HLA-DPB1: variants seen among roughly 807,000 people sequenced by gnomAD.
HLA-DPB1 encodes the protein HLA class II histocompatibility antigen, DP beta 1 chain.
Under a neutral mutation model 29.4 loss-of-function variants are expected in HLA-DPB1, and 30 were observed. The observed-to-expected ratio is 1.02, with a 90% CI of 0.76 to 1.38. The LOEUF (loss-of-function observed/expected upper bound fraction) is 1.38, where lower values mean the gene tolerates loss of function less well. Among genes scored for constraint, HLA-DPB1 ranks in the 40% most tolerant of loss-of-function variants. The pLI is 0.00. For missense variants in HLA-DPB1, 261 were observed against 327.5 expected, an observed-to-expected ratio of 0.80 and a Z score of 1.57; for synonymous variants, 114 against 134.0, an observed-to-expected ratio of 0.85 and a Z score of 1.03.
rs1183464371 is a variant in HLA-DPB1 at position 33,079,030 on chromosome 6, T to C, written c.101-1642T>C. On this transcript the variant is annotated intron_variant, in intron 1 of 5. Transcript: ENST00000418931. The stretch of plus-strand genomic sequence containing the variant: ...AGGATATCTGAGTCAAGACCTGGGA[T>C]CTTGCCTTAGCAATGACACTGGAGA... 2.0e-5 allele frequency among the ~76,000 whole-genome samples: 3 copies of C among 152,208 alleles called. 1 individual carries two copies. Among genetic ancestry groups the C allele is most frequent in the Non-Finnish European group, 4.4e-5 (3 of 68,042 alleles).
chr6:33,080,861 A>C lies in HLA-DPB1; in HGVS notation c.290A>C (p.Glu97Ala), dbSNP rs201237929. 1 of 1,612,938 alleles carries C rather than the reference A, an allele frequency of 6.2e-7. No individual in the cohort carries two copies. Among genetic ancestry groups the C allele is most frequent in the Non-Finnish European group, 8.5e-7 (1 of 1,179,522 alleles). ...YWNSQKDILE[E>A]KRAVPDRMCR... ...AACAGCCAGAAGGACATCCTGGAGG[A>C]GAAGCGGGCAGTGCCGGACAGGATG... The change falls in exon 2 of 6, where the codon GAG becomes GCG. Residue 97 changes from glutamate to alanine, a missense_variant. Glu to Ala is a moderately radical substitution (Grantham distance 107, BLOSUM62 -1). Transcript: ENST00000418931. The surrounding 1 kb of genome is among the most constrained non-coding windows in gnomAD (Gnocchi z 4.3).
Position 33,080,792 on chromosome 6 carries a change from T to C in HLA-DPB1, c.221T>C (p.Phe74Ser). The C allele has an allele frequency of 6.2e-7, 1 of 1,602,126 alleles. No homozygotes were observed. Among genetic ancestry groups the C allele is most frequent in the Non-Finnish European group, 8.5e-7 (1 of 1,172,508 alleles). ...CGCTTCGACAGCGACGTGGGGGAGTTCCGGGCGGTGACGGAGCTGGGGCGG... is the reference window on the plus strand; with the variant it reads ...CGCTTCGACAGCGACGTGGGGGAGTCCCGGGCGGTGACGGAGCTGGGGCGG... ...FARFDSDVGE[F>S]RAVTELGRPA... Residue 74 changes from phenylalanine to serine, a missense_variant, in exon 2 of 6, where the codon TTC (phenylalanine) becomes TCC (serine). Phe to Ser is a radical substitution (Grantham distance 155). Coordinates refer to ENST00000418931, the MANE Select transcript of HLA-DPB1 (RefSeq NM_002121.6). This position sits in a 1 kb window ranked among gnomAD's most constrained non-coding sequence, Gnocchi z 4.3.
rs894270562 is a variant in HLA-DPB1, at chr6:33,085,128, C to T, written c.543C>T (p.Thr181=). ...STNLIRNGDW[T]FQILVMLEMT... is the part of the protein sequence containing the mutation. ...ACCTGATCCGTAATGGAGACTGGAC[C>T]TTCCAGATCCTGGTGATGCTGGAAA... is the stretch of plus-strand genomic sequence containing the variant. The change falls in exon 3 of 6, where the codon ACC becomes ACT. Residue 181 remains threonine, a synonymous_variant. Coordinates refer to ENST00000418931, the MANE Select transcript of HLA-DPB1 (RefSeq NM_002121.6). 1.2e-6 allele frequency: 2 copies of T among 1,613,782 alleles called. No individual in the cohort carries two copies. The highest frequency in any genetic ancestry group is 1.7e-5 in the Admixed American group (1 of 60,012).
intron 2 of HLA-DPB1, among the ~76,000 whole-genome samples, 165 bp from the exon 3 acceptor site, chr6:33,084,785 T>C (rs9277447): frequency 0.042 from 2,625 of 62,908 alleles, 715 homozygotes; most frequent in East Asian, 0.28. Context: ...GGCAACAGAG[T>C]GACACTCCAT....
chr6:33,084,725 G>T (rs3128962), intron 2 of HLA-DPB1, among the ~76,000 whole-genome samples: 57,206 of 151,092 alleles, frequency 0.38, 12,257 homozygotes, highest in East Asian at 0.64. Flanking sequence ...GTTGAAGCCC[G>T]GAGGTGGAGG....
At chr6:33,081,875 A>T (rs927256862) in intron 2 of HLA-DPB1, 1 of 152,438 alleles carries the variant, frequency 6.6e-6, no homozygotes. Flanking sequence ...TTTCTCAAGG[A>T]TGGGACAGGA....
chr6:33,080,733 G>A lies in HLA-DPB1; in HGVS notation c.162G>A (p.Leu54=), dbSNP rs746588116. 1 of 1,613,594 alleles carries A rather than the reference G, an allele frequency of 6.2e-7. No individual in the cohort carries two copies. Among genetic ancestry groups the A allele is most frequent in the Admixed American group, 1.7e-5 (1 of 59,994 alleles). ...CYAFNGTQRF[L]ERYIYNREEF... ...CGTTTAATGGGACACAGCGCTTCCT[G>A]GAGAGATACATCTACAACCGGGAGG... The change falls in exon 2 of 6, where the codon CTG becomes CTA. Residue 54 remains leucine, a synonymous_variant. Transcript: ENST00000418931. The surrounding 1 kb of genome is among the most constrained non-coding windows in gnomAD (Gnocchi z 4.3).
chr6:33,080,655 C>A lies in HLA-DPB1; in HGVS notation c.101-17C>A. The A allele has an allele frequency of 6.2e-7, 1 of 1,612,178 alleles. No individual in the cohort carries two copies. The highest frequency in any genetic ancestry group is 8.5e-7 in the Non-Finnish European group (1 of 1,179,226). On this transcript the variant is annotated splice_polypyrimidine_tract_variant and intron_variant, in intron 1 of 5. Coordinates refer to ENST00000418931, the MANE Select transcript of HLA-DPB1 (RefSeq NM_002121.6). This position sits in a 1 kb window ranked among gnomAD's most constrained non-coding sequence, Gnocchi z 4.3. ...ATGAGAGTGGCGCCTCCGCTCATGT[C>A]CGCCCCCTCCCCGCAGAGAATTACC...
chr6:33,078,272 A>T (rs1026786172), intron 1 of HLA-DPB1, among the ~76,000 whole-genome samples: 4 of 152,074 alleles, frequency 2.6e-5, no homozygotes, highest in Admixed American at 6.5e-5. Context: ...AGATTACTGG[A>T]GCTCCCTGCG....
intron 2 of HLA-DPB1, 129 bp downstream of exon 2, chr6:33,081,064 A>AT (rs200415650): frequency 0.011 from 11,577 of 1,100,196 alleles, 190 homozygotes; most frequent in African/African-American, 0.064. Flanking sequence ...TTGGGGATTC[A>AT]TGGGGGGAGC....
chr6:33,082,737 C>T (rs1459199946), intron 2 of HLA-DPB1, among the ~76,000 whole-genome samples: 1 of 152,126 alleles, frequency 6.6e-6, no homozygotes, highest in Non-Finnish European at 1.5e-5. Context: ...GTGACAATTC[C>T]AGGGTGGATG....
At position 33,089,667 on chromosome 6, in the gene HLA-DPB1, A is replaced by G. The variant is rs1763265814; in HGVS notation, c.*3133A>G. 6.6e-6 allele frequency among the ~76,000 whole-genome samples: 1 copy of G among 152,238 alleles called. No individual in the cohort carries two copies. The highest frequency in any genetic ancestry group is 1.5e-5 in the Non-Finnish European group (1 of 68,038). On this transcript the variant is annotated 3_prime_UTR_variant, in exon 6 of 6. Coordinates refer to ENST00000418931, the MANE Select transcript of HLA-DPB1 (RefSeq NM_002121.6). ...GGAAAACATTTAAGAAGTACACACT[A>G]AATAAATAATAAAATACTTCTACAA...
chr6:33,078,497 G>T (rs183007250), intron 1 of HLA-DPB1, among the ~76,000 whole-genome samples: 27 of 152,264 alleles, frequency 1.8e-4, no homozygotes, highest in African/African-American at 4.8e-4. Context: ...CAACCCATAG[G>T]GAGCTAGAGG....
Position 33,087,008 on chromosome 6 carries a change from T to C in HLA-DPB1, c.*474T>C, listed in dbSNP as rs1763140996. ...TGCCCCCAAATCAAGTTTAGTGCCC[T>C]CATCCATTTATGTCTCAGACCACTA... On this transcript the variant is annotated 3_prime_UTR_variant, in exon 6 of 6. Coordinates refer to ENST00000418931, the MANE Select transcript of HLA-DPB1 (RefSeq NM_002121.6). 4.9e-6 allele frequency: 1 copy of C among 205,788 alleles called. No homozygotes were observed. The highest frequency in any genetic ancestry group is 8.4e-5 in the South Asian group (1 of 11,872). 12.7% of individuals were successfully genotyped at this position (205,788 alleles called of 1,614,324 possible).
In HLA-DPB1 at chr6:33,087,329, A is replaced by G. The variant is rs979173499; in HGVS notation, c.*795A>G. On this transcript the variant is annotated 3_prime_UTR_variant, in exon 6 of 6. Coordinates refer to ENST00000418931, the MANE Select transcript of HLA-DPB1 (RefSeq NM_002121.6). ...CCACCAGCCTAGGCCTCCTGTCTTAATTTTCATACAGACAGAAATGACTCC... is the reference window on the plus strand; with the variant it reads ...CCACCAGCCTAGGCCTCCTGTCTTAGTTTTCATACAGACAGAAATGACTCC... 6.5e-6 allele frequency: 1 copy of G among 153,914 alleles called. No individual in the cohort carries two copies. Among genetic ancestry groups the G allele is most frequent in the African/African-American group, 2.4e-5 (1 of 41,386 alleles). The allele number at this position is 153,914 out of a possible 1,614,324, so 9.5% of individuals were successfully genotyped here. A position where few individuals can be genotyped will look rare whatever the true frequency, so the allele number is the denominator to read the frequency against.
In HLA-DPB1 at chr6:33,084,945, C is replaced by T. The variant is rs761972327; in HGVS notation, c.365-5C>T. 1.3e-6 allele frequency: 2 copies of T among 1,539,246 alleles called. No individual in the cohort carries two copies. The highest frequency in any genetic ancestry group is 1.8e-6 in the Non-Finnish European group (2 of 1,122,268). ...TATTTCATTATTTTTCTTCCACGCT[C>T]CTAGTCCAGCCTAGGGTGAATGTTT... On this transcript the variant is annotated splice_region_variant and splice_polypyrimidine_tract_variant and intron_variant, in intron 2 of 5. Coordinates refer to ENST00000418931, the MANE Select transcript of HLA-DPB1 (RefSeq NM_002121.6).
In HLA-DPB1 at chr6:33,080,905, C is replaced by A; in HGVS notation, c.334C>A (p.Leu112Met). The A allele has an allele frequency of 6.2e-7, 1 of 1,605,998 alleles. No homozygotes were observed. The highest frequency in any genetic ancestry group is 8.5e-7 in the Non-Finnish European group (1 of 1,176,410). ...CAGGATGTGCAGACACAACTACGAG[C>A]TGGGCGGGCCCATGACCCTGCAGCG... Reference protein sequence around the residue: ...PDRMCRHNYELGGPMTLQRRV... With the variant: ...PDRMCRHNYEMGGPMTLQRRV... The change falls in exon 2 of 6, where the codon CTG (leucine) becomes ATG (methionine). Residue 112 changes from leucine (L) to methionine (M), a missense_variant. Coordinates refer to ENST00000418931, the MANE Select transcript of HLA-DPB1 (RefSeq NM_002121.6). The surrounding 1 kb of genome is among the most constrained non-coding windows in gnomAD (Gnocchi z 4.3).
intron 2 of HLA-DPB1, chr6:33,082,104 T>G (rs112104961): frequency 0.24 from 37,243 of 152,146 alleles, 6,853 homozygotes; most frequent in African/African-American, 0.52. Flanking sequence ...TCACCTGCTA[T>G]GAGTGAGAAG....
chr6:33,086,004 A>G (rs1763081731), intron 4 of HLA-DPB1, 115 bp downstream of exon 4: 4 of 780,472 alleles, frequency 5.1e-6, no homozygotes, highest in Non-Finnish European at 4.2e-6. Context: ...GGCCACTGAT[A>G]TCAGATAATC....
Sources: allele counts gnomAD v4.1 joint callset (sites outside exome capture counted in the v4.1 genomes callset), GRCh38; gene constraint gnomAD v4.1.1; non-coding constraint Gnocchi (gnomAD v3.1); transcripts MANE v1.5; gene names NCBI Gene and HGNC (gene_info 2026-07-23, HGNC 2026-07-21).